GABRA2: variants seen among roughly 807,000 people sequenced by gnomAD.
GABRA2 encodes gamma-aminobutyric acid type A receptor subunit alpha2, also known as gamma-aminobutyric acid receptor subunit alpha-2.
Under a neutral mutation model 48.7 loss-of-function variants are expected in GABRA2, and 16 were observed. The ratio of observed to expected loss-of-function variants is 0.33; its 90% CI spans 0.22 to 0.50. The LOEUF (loss-of-function observed/expected upper bound fraction) is 0.50, where lower values mean the gene tolerates loss of function less well. Among genes scored for constraint, GABRA2 ranks in the 20% least tolerant of loss-of-function variants. GABRA2 has a pLI of 0.98. For missense variants in GABRA2, 275 were observed against 535.6 expected (o/e 0.51, Z 4.80); for synonymous variants, 185 against 184.5 (o/e 1.00, Z -0.02).
At chr4:46,375,602 A>T (rs1715577955) in intron 3 of GABRA2, among the ~76,000 whole-genome samples, 1 of 152,140 alleles carries the variant, frequency 6.6e-6, no homozygotes, top group African/African-American at 2.4e-5. Context: ...TGAGCCTTAC[A>T]CTCTTCTGTA....
chr4:46,255,668 A>G (rs1715672593), intron 9 of GABRA2, among the ~76,000 whole-genome samples: 1 of 151,680 alleles, frequency 6.6e-6, no homozygotes, highest in Non-Finnish European at 1.5e-5. Context: ...CCATTTTAAA[A>G]TGACATTTAG....
At chr4:46,294,263 C>A (rs1299178407) in intron 8 of GABRA2, among the ~76,000 whole-genome samples, 1 of 152,198 alleles carries the variant, frequency 6.6e-6, no homozygotes, top group Non-Finnish European at 1.5e-5. Context: ...ATACACTGAA[C>A]TTGCTTGCAT....
intron 5 of GABRA2, among the ~76,000 whole-genome samples, chr4:46,310,522 A>AT (rs1328221651): frequency 6.6e-6 from 1 of 152,162 alleles, no homozygotes; most frequent in African/African-American, 2.4e-5. Flanking sequence ...TTACATATGC[A>AT]TTTTAAATGG....
At chr4:46,290,294 G>T (rs10010493) in intron 8 of GABRA2, among the ~76,000 whole-genome samples, 57,191 of 150,942 alleles carry the variant, frequency 0.38, 11,494 homozygotes, top group East Asian at 0.5. Flanking sequence ...ACTAGTTTTT[G>T]AATTTCTGAA....
At chr4:46,305,356 A>G (rs1726492337) in intron 7 of GABRA2, among the ~76,000 whole-genome samples, 1 of 151,504 alleles carries the variant, frequency 6.6e-6, no homozygotes, top group Non-Finnish European at 1.5e-5. Context: ...TGGCACATGT[A>G]TACATATGTA....
At chr4:46,351,748 A>G (rs532912137) in intron 3 of GABRA2, among the ~76,000 whole-genome samples, 196 of 152,154 alleles carry the variant, frequency 1.3e-3, no homozygotes, top group African/African-American at 4.6e-3. Flanking sequence ...ATTTCTCAGC[A>G]TGATCATATC....
intron 3 of GABRA2, among the ~76,000 whole-genome samples, chr4:46,383,039 T>C (rs1189293065): frequency 1.3e-5 from 2 of 152,206 alleles, no homozygotes; most frequent in Non-Finnish European, 2.9e-5. Flanking sequence ...ACGACATGTG[T>C]GCATTCAGAC....
At chr4:46,300,268 A>G (rs929943363) in intron 8 of GABRA2, among the ~76,000 whole-genome samples, 70 of 151,858 alleles carry the variant, frequency 4.6e-4, no homozygotes, top group African/African-American at 1.7e-3. Flanking sequence ...ACTTATTGGT[A>G]TACATTTGAT....
chr4:46,301,551 T>C (rs527499982), intron 8 of GABRA2, among the ~76,000 whole-genome samples: 95 of 152,270 alleles, frequency 6.2e-4, no homozygotes, highest in Non-Finnish European at 4.9e-4. Context: ...GAACATGCCA[T>C]TGTCTTTCAT....
rs1722117517 is a variant in GABRA2 at position 46,284,325 on chromosome 4, A to AGGAATTTCGAG, written c.856+19134_856+19135insCTCGAAATTCC. On this transcript the variant is annotated intron_variant, in intron 8 of 9. Coordinates refer to ENST00000381620, the MANE Select transcript of GABRA2 (RefSeq NM_000807.4). ...TTTGTATACTGTTAATGCATTGTCT[A>AGGAATTTCGAG]GTCTCAGGAACCTCGAAAGCATAAC... is the stretch of plus-strand genomic sequence containing the variant. Among the ~76,000 whole-genome samples the AGGAATTTCGAG allele has an allele frequency of 2.0e-5, 3 of 152,288 alleles. No homozygotes were observed. In the South Asian group the frequency reaches 6.2e-4, roughly 32 times the overall value.
chr4:46,304,788 C>T (rs369669765), intron 7 of GABRA2, among the ~76,000 whole-genome samples: 66 of 151,552 alleles, frequency 4.4e-4, no homozygotes, highest in African/African-American at 1.4e-3. Context: ...ATTAGCTCAG[C>T]GTGGTGGTGC....
At chr4:46,305,871 A>G (rs1360364706) in intron 6 of GABRA2, among the ~76,000 whole-genome samples, 160 bp from the exon 7 acceptor site, 1 of 152,258 alleles carries the variant, frequency 6.6e-6, no homozygotes, top group African/African-American at 2.4e-5. Flanking sequence ...ATTTACTTCA[A>G]TATGAGAGTT....
chr4:46,324,917 C>T (rs1207097042), intron 4 of GABRA2, among the ~76,000 whole-genome samples: 1 of 151,906 alleles, frequency 6.6e-6, no homozygotes, highest in Non-Finnish European at 1.5e-5. Flanking sequence ...TTTATGGCTG[C>T]ATAGTTTTCC....
At chr4:46,388,365 T>A (rs1197488445) in intron 2 of GABRA2, among the ~76,000 whole-genome samples, 1 of 152,230 alleles carries the variant, frequency 6.6e-6, no homozygotes, top group African/African-American at 2.4e-5. Flanking sequence ...TCACTTCAAT[T>A]CCTTGTAGGA....
intron 4 of GABRA2, among the ~76,000 whole-genome samples, chr4:46,318,842 G>A (rs1410951316): frequency 2.0e-5 from 3 of 151,700 alleles, no homozygotes; most frequent in Non-Finnish European, 4.4e-5. Context: ...ATACACAGGA[G>A]AAGTGAGACT....
At chr4:46,289,912 T>C (rs1259875649) in intron 8 of GABRA2, among the ~76,000 whole-genome samples, 2 of 143,828 alleles carry the variant, frequency 1.4e-5, no homozygotes, top group East Asian at 4.0e-4. Flanking sequence ...TATTTATTTT[T>C]ATTTTTTTTT....
At chr4:46,389,560 G>C in intron 1 of GABRA2, 175 bp downstream of exon 1, 1 of 413,210 alleles carries the variant, frequency 2.4e-6, no homozygotes, top group Non-Finnish European at 3.3e-6. Flanking sequence ...TATGCTTCTG[G>C]TGATAAGTAT....
At position 46,247,278 on chromosome 4, in the gene GABRA2, AAAG is replaced by A. The variant is rs1713891252; in HGVS notation, c.*3027_*3029del. 1.3e-5 allele frequency among the ~76,000 whole-genome samples: 2 copies of A among 151,252 alleles called. No individual in the cohort carries two copies. Among genetic ancestry groups the A allele is most frequent in the African/African-American group, 4.8e-5 (2 of 41,358 alleles). On this transcript the variant is annotated 3_prime_UTR_variant, in exon 10 of 10. Coordinates refer to ENST00000381620, the MANE Select transcript of GABRA2 (RefSeq NM_000807.4). ...AACACATGGGAACATGAACAGGAGA[AAAG>A]AGAAAAACAGCCACCTATCCTAGCA...
At chr4:46,367,352 G>C (rs1427784287) in intron 3 of GABRA2, 1 of 152,090 alleles carries the variant, frequency 6.6e-6, no homozygotes, top group Non-Finnish European at 1.5e-5. Flanking sequence ...TTGACAAATG[G>C]TGAATTCTAC....
Sources: gnomAD v4.1 joint callset for allele counts (sites outside exome capture counted in the v4.1 genomes callset) on GRCh38, gnomAD v4.1.1 for gene constraint, MANE v1.5 for transcripts, NCBI Gene and HGNC (gene_info 2026-07-23, HGNC 2026-07-21) for gene names.